Variants in TBC1D8 observed in about 807,000 individuals in gnomAD.
The protein encoded by TBC1D8 is TBC1 domain family member 8, also known as BUB2-like protein 1.
Under a neutral mutation model 118.8 loss-of-function variants are expected in TBC1D8, and 65 were observed. The observed-to-expected ratio is 0.55, with a 90% CI of 0.45 to 0.67. TBC1D8 has a LOEUF of 0.67. Ranked by LOEUF, TBC1D8 falls within the 30% of genes least tolerant of loss-of-function variation. The probability of loss-of-function intolerance (pLI) is 0.00; values close to 1 mark genes in which losing one functional copy is unlikely to be tolerated. For missense variants in TBC1D8, 1,376 were observed against 1,471.2 expected (o/e 0.94, Z 1.06); for synonymous variants, 566 against 595.8 (o/e 0.95, Z 0.73).
intron 1 of TBC1D8, among the ~76,000 whole-genome samples, chr2:101,101,837 T>C (rs1030084437): frequency 4.6e-5 from 7 of 151,644 alleles, no homozygotes; most frequent in African/African-American, 1.7e-4. Flanking sequence ...TAAGTGGGAG[T>C]TGAGCAATGA....
chr2:101,052,076 A>C (rs901130831), intron 4 of TBC1D8, among the ~76,000 whole-genome samples: 1 of 152,246 alleles, frequency 6.6e-6, no homozygotes, highest in Non-Finnish European at 1.5e-5. Context: ...GTTATGCAAA[A>C]GTTTCTCAAT....
intron 8 of TBC1D8, 120 bp from the exon 9 acceptor site, chr2:101,036,288 G>A (rs986160912): frequency 1.6e-5 from 18 of 1,122,436 alleles, no homozygotes; most frequent in Non-Finnish European, 1.8e-5. Flanking sequence ...CAACAGCAAC[G>A]GGCAAGGACA....
At chr2:101,024,959 G>A (rs984826380) in intron 15 of TBC1D8, among the ~76,000 whole-genome samples, 2 of 152,106 alleles carry the variant, frequency 1.3e-5, no homozygotes, top group Non-Finnish European at 2.9e-5. Flanking sequence ...CACTAAAAAA[G>A]TATGAGAAAA....
intron 1 of TBC1D8, among the ~76,000 whole-genome samples, chr2:101,134,860 G>C (rs1382943359): frequency 6.6e-6 from 1 of 152,200 alleles, no homozygotes; most frequent in Non-Finnish European, 1.5e-5. Flanking sequence ...GGTTGCACAT[G>C]AAGTTAAAAC....
At chr2:101,087,640 T>C (rs1439504425) in intron 2 of TBC1D8, among the ~76,000 whole-genome samples, 3 of 114,924 alleles carry the variant, frequency 2.6e-5, no homozygotes, top group African/African-American at 1.2e-4. Context: ...CAAGACTCTG[T>C]CTCAAAAAAA....
At chr2:101,113,523 T>G (rs1268066215) in intron 1 of TBC1D8, among the ~76,000 whole-genome samples, 4 of 152,114 alleles carry the variant, frequency 2.6e-5, no homozygotes, top group African/African-American at 9.7e-5. Context: ...GATGCACAAA[T>G]CAGTTTCCCA....
At chr2:101,135,859 A>T (rs1265552062) in intron 1 of TBC1D8, among the ~76,000 whole-genome samples, 3 of 152,166 alleles carry the variant, frequency 2.0e-5, no homozygotes, top group Non-Finnish European at 2.9e-5. Context: ...TGTCTCATAC[A>T]GGTCTCAGGT....
intron 17 of TBC1D8, among the ~76,000 whole-genome samples, chr2:101,020,592 G>A (rs1470861458): frequency 6.6e-6 from 1 of 152,168 alleles, no homozygotes; most frequent in Non-Finnish European, 1.5e-5. Flanking sequence ...GGACTGCGTG[G>A]CCAGCACAGA....
At chr2:101,080,090 A>G (rs1675162167) in intron 2 of TBC1D8, among the ~76,000 whole-genome samples, 1 of 152,140 alleles carries the variant, frequency 6.6e-6, no homozygotes, top group Non-Finnish European at 1.5e-5. Context: ...TCAAATAACT[A>G]TAAACAACAA....
At chr2:101,014,507 T>C (rs1679468454) in intron 17 of TBC1D8, among the ~76,000 whole-genome samples, 1 of 152,212 alleles carries the variant, frequency 6.6e-6, no homozygotes, top group Admixed American at 6.5e-5. Flanking sequence ...AAAGTCATTG[T>C]CTCCTCCAGC....
chr2:101,119,206 C>CA (rs1045369078), intron 1 of TBC1D8, among the ~76,000 whole-genome samples: 2 of 152,178 alleles, frequency 1.3e-5, no homozygotes, highest in Non-Finnish European at 2.9e-5. Context: ...GAAACATGGG[C>CA]AATGCATGTT....
chr2:101,027,807 G>A (rs930204715), intron 14 of TBC1D8, among the ~76,000 whole-genome samples: 2 of 152,196 alleles, frequency 1.3e-5, no homozygotes, highest in Admixed American at 1.3e-4. Context: ...ATTTAACTGC[G>A]CAGCAGGCAC....
At chr2:101,108,712 G>A (rs969176478) in intron 1 of TBC1D8, among the ~76,000 whole-genome samples, 8 of 151,714 alleles carry the variant, frequency 5.3e-5, no homozygotes, top group African/African-American at 1.2e-4. Flanking sequence ...GATCACATTG[G>A]CACCCCACCC....
At chr2:101,111,396 G>A (rs959232072) in intron 1 of TBC1D8, among the ~76,000 whole-genome samples, 9 of 152,154 alleles carry the variant, frequency 5.9e-5, no homozygotes, top group Non-Finnish European at 1.3e-4. Context: ...GACAACATGC[G>A]CGGTCCTGTG....
intron 1 of TBC1D8, among the ~76,000 whole-genome samples, chr2:101,134,215 A>T (rs1678739338): frequency 6.6e-6 from 1 of 151,530 alleles, no homozygotes; most frequent in African/African-American, 2.4e-5. Flanking sequence ...ACACACACAC[A>T]CACACACACA....
chr2:101,049,394 G>A (rs1164391395), intron 5 of TBC1D8, among the ~76,000 whole-genome samples: 1 of 152,142 alleles, frequency 6.6e-6, no homozygotes, highest in Non-Finnish European at 1.5e-5. Flanking sequence ...AGGTCCAGCT[G>A]TCCTGAAAAT....
At chr2:101,109,796 C>A (rs1182833146) in intron 1 of TBC1D8, 3 of 985,328 alleles carry the variant, frequency 3.0e-6, no homozygotes, top group Non-Finnish European at 2.4e-6. Context: ...TAGAGACAGG[C>A]AAACACTTAT....
intron 5 of TBC1D8, among the ~76,000 whole-genome samples, chr2:101,043,772 T>G (rs753490142): frequency 1.5e-4 from 23 of 151,994 alleles, no homozygotes; most frequent in Non-Finnish European, 4.4e-5. Context: ...AAACCCCGCC[T>G]CTACTAAAAA....
chr2:101,147,084 CG>C (rs1679348948), intron 1 of TBC1D8, among the ~76,000 whole-genome samples: 2 of 151,412 alleles, frequency 1.3e-5, no homozygotes, highest in Non-Finnish European at 2.9e-5. Flanking sequence ...AGGCCGAGGC[CG>C]AGGCCGAGGC....
Sources: allele counts gnomAD v4.1 joint callset (sites outside exome capture counted in the v4.1 genomes callset), GRCh38; gene constraint gnomAD v4.1.1; transcripts MANE v1.5; gene names NCBI Gene and HGNC (gene_info 2026-07-23, HGNC 2026-07-21).